The following NELL1 variants were observed in gnomAD, a reference collection of about 807,000 sequenced individuals.
The protein encoded by NELL1 is neural EGFL like 1, also known as protein kinase C-binding protein NELL1.
A neutral mutation model predicts 107.4 loss-of-function variants in NELL1; 76 were observed. That is an observed-to-expected ratio of 0.71 (90% CI 0.59 to 0.86). The LOEUF is 0.86. Ranked by LOEUF, NELL1 falls within the 40% of genes least tolerant of loss-of-function variation. The pLI, the probability that NELL1 is intolerant of heterozygous loss-of-function variation, is 0.00. For synonymous variants in NELL1, 353 were observed against 341.2 expected, an observed-to-expected ratio of 1.03 and a Z score of -0.38; for missense variants, 1,024 against 1,005.5, an observed-to-expected ratio of 1.02 and a Z score of -0.25.
chr11:20,756,239 A>G (rs562369845), intron 2 of NELL1, among the ~76,000 whole-genome samples: 4 of 152,128 alleles, frequency 2.6e-5, no homozygotes, highest in Non-Finnish European at 5.9e-5. Context: ...TATGTCATCT[A>G]TCTTAGGCCA....
intron 2 of NELL1, among the ~76,000 whole-genome samples, chr11:20,705,827 C>T (rs1854935195): frequency 6.6e-6 from 1 of 151,642 alleles, no homozygotes; most frequent in African/African-American, 2.4e-5. Context: ...AAGAAAAAAT[C>T]AAACAACCCC....
At chr11:20,905,752 T>A (rs1849983175) in intron 5 of NELL1, among the ~76,000 whole-genome samples, 1 of 151,018 alleles carries the variant, frequency 6.6e-6, no homozygotes, top group Non-Finnish European at 1.5e-5. Flanking sequence ...AAAAGAAAAA[T>A]GAATAAAGAA....
chr11:21,523,386 AT>A (rs1393126713), intron 15 of NELL1, among the ~76,000 whole-genome samples: 4 of 151,934 alleles, frequency 2.6e-5, no homozygotes, highest in African/African-American at 9.7e-5. Flanking sequence ...TGGGTCTACT[AT>A]TTTGCATTTT....
At position 20,802,466 on chromosome 11, in the gene NELL1, G is replaced by A. The variant is rs533521064; in HGVS notation, c.335+18636G>A. On this transcript the variant is annotated intron_variant, in intron 3 of 19. Coordinates refer to ENST00000357134, the MANE Select transcript of NELL1 (RefSeq NM_006157.5). ...TTTGTTTATCAGTTCTAATCTTTTT[G>A]TGGATCCTTTAGGTTTTTCCAAATA... 5.5e-5 allele frequency among the ~76,000 whole-genome samples: 8 copies of A among 146,574 alleles called. No homozygotes were observed. The South Asian group carries it at 1.7e-3, about 31-fold the overall frequency.
chr11:20,953,310 G>T (rs1851105277), intron 11 of NELL1, among the ~76,000 whole-genome samples: 1 of 152,170 alleles, frequency 6.6e-6, no homozygotes, highest in African/African-American at 2.4e-5. Context: ...TACTTTAGGG[G>T]CAGGAGATTG....
intron 3 of NELL1, among the ~76,000 whole-genome samples, chr11:20,806,784 T>G (rs941734906): frequency 1.3e-5 from 2 of 152,190 alleles, no homozygotes; most frequent in African/African-American, 4.8e-5. Context: ...ATACCCTGTC[T>G]TCAAGTTCAC....
intron 14 of NELL1, among the ~76,000 whole-genome samples, chr11:21,355,777 T>A (rs1850918379): frequency 6.6e-6 from 1 of 152,182 alleles, no homozygotes; most frequent in African/African-American, 2.4e-5. Context: ...TAAAAACTTT[T>A]TCAAATTCAG....
At chr11:21,144,304 C>T (rs888078477) in intron 13 of NELL1, among the ~76,000 whole-genome samples, 5 of 152,094 alleles carry the variant, frequency 3.3e-5, no homozygotes, top group Admixed American at 2.0e-4. Flanking sequence ...TAGAAGTAAA[C>T]CACTGTTTTT....
intron 5 of NELL1, among the ~76,000 whole-genome samples, chr11:20,915,567 T>C (rs538641604): frequency 2.0e-4 from 30 of 151,178 alleles, no homozygotes; most frequent in African/African-American, 7.3e-4. Flanking sequence ...GTTGCATTTT[T>C]CAGTTAAATG....
intron 14 of NELL1, among the ~76,000 whole-genome samples, chr11:21,273,656 A>G (rs551156500): frequency 1.3e-5 from 2 of 152,348 alleles, no homozygotes; most frequent in Non-Finnish European, 2.9e-5. Flanking sequence ...CCAGAGAGAA[A>G]GGTCGGGTTA....
At chr11:21,309,604 A>G (rs1182125690) in intron 14 of NELL1, among the ~76,000 whole-genome samples, 3 of 151,892 alleles carry the variant, frequency 2.0e-5, no homozygotes, top group Non-Finnish European at 4.4e-5. Flanking sequence ...GTCCATTTTC[A>G]TGCTACTGAT....
chr11:20,762,829 A>T (rs1044964845), intron 2 of NELL1, among the ~76,000 whole-genome samples: 2 of 152,098 alleles, frequency 1.3e-5, no homozygotes, highest in African/African-American at 4.8e-5. Context: ...ATCATTTGGT[A>T]TGCCTGGTAT....
At chr11:21,491,674 G>A (rs1201122835) in intron 15 of NELL1, among the ~76,000 whole-genome samples, 5 of 151,780 alleles carry the variant, frequency 3.3e-5, no homozygotes, top group East Asian at 1.9e-4. Context: ...TTGTCTTGGC[G>A]ATGTGGGCTC....
At chr11:21,239,266 G>A (rs1015582160) in intron 14 of NELL1, among the ~76,000 whole-genome samples, 5 of 151,940 alleles carry the variant, frequency 3.3e-5, no homozygotes, top group African/African-American at 9.7e-5. Context: ...GTCATTTTGT[G>A]TCCTTATTTA....
At chr11:21,102,580 T>C (rs1854848114) in intron 12 of NELL1, among the ~76,000 whole-genome samples, 1 of 152,172 alleles carries the variant, frequency 6.6e-6, no homozygotes, top group Non-Finnish European at 1.5e-5. Flanking sequence ...GAGGATTAAA[T>C]GAGTTAATAA....
intron 15 of NELL1, among the ~76,000 whole-genome samples, chr11:21,525,914 C>T (rs1855841653): frequency 6.6e-6 from 1 of 152,094 alleles, no homozygotes; most frequent in Admixed American, 6.6e-5. Flanking sequence ...GAGATTTCTG[C>T]CCCTATCATT....
chr11:21,133,211 A>G (rs754594206), intron 13 of NELL1, among the ~76,000 whole-genome samples: 1 of 152,168 alleles, frequency 6.6e-6, no homozygotes, highest in Admixed American at 6.5e-5. Flanking sequence ...TCCCACAGCT[A>G]GTAGTCCTGA....
At chr11:21,522,229 G>A (rs375689751) in intron 15 of NELL1, among the ~76,000 whole-genome samples, 11 of 115,592 alleles carry the variant, frequency 9.5e-5, no homozygotes, top group East Asian at 4.6e-4. Flanking sequence ...GAGAGACTCC[G>A]TCTCAAAAAA....
chr11:21,292,373 G>T (rs1286226462), intron 14 of NELL1, among the ~76,000 whole-genome samples: 1 of 152,136 alleles, frequency 6.6e-6, no homozygotes, highest in African/African-American at 2.4e-5. Context: ...ACTTATGAGG[G>T]ATGTGAAGGA....
Sources: allele counts gnomAD v4.1 joint callset (sites outside exome capture counted in the v4.1 genomes callset), GRCh38; gene constraint gnomAD v4.1.1; transcripts MANE v1.5; gene names NCBI Gene and HGNC (gene_info 2026-07-23, HGNC 2026-07-21).